Variants in FREM2 observed in about 807,000 individuals in gnomAD.
The protein encoded by FREM2 is FRAS1 related extracellular matrix 2.
In FREM2, 119 loss-of-function variants were observed where a neutral mutation model predicts 219.9. The observed-to-expected ratio is 0.54, with a 90% CI of 0.47 to 0.63. The LOEUF is 0.63. Among genes scored for constraint, FREM2 ranks in the 30% least tolerant of loss-of-function variants. FREM2 has a pLI of 0.00. For synonymous variants in FREM2, 1,562 were observed against 1,522.8 expected, an observed-to-expected ratio of 1.03 and a Z score of -0.60; for missense variants, 4,030 against 3,993.6, an observed-to-expected ratio of 1.01 and a Z score of -0.25.
intron 6 of FREM2, among the ~76,000 whole-genome samples, chr13:38,805,380 C>T (rs1875185033): frequency 6.6e-6 from 1 of 151,464 alleles, no homozygotes; most frequent in South Asian, 2.1e-4. Flanking sequence ...CGTGGAAGCT[C>T]CAAAAAACTG....
chr13:38,705,668 A>G (rs575133493), intron 2 of FREM2, among the ~76,000 whole-genome samples: 1 of 152,326 alleles, frequency 6.6e-6, no homozygotes, highest in African/African-American at 2.4e-5. Context: ...AAGATTAAGT[A>G]GATAATTCAT....
At chr13:38,806,481 T>C (rs1471505871) in intron 6 of FREM2, among the ~76,000 whole-genome samples, 1 of 151,982 alleles carries the variant, frequency 6.6e-6, no homozygotes, top group Non-Finnish European at 1.5e-5. Context: ...ACACAAACTT[T>C]TCATTTTCCC....
chr13:38,872,897 T>G lies in FREM2; in HGVS notation c.8139T>G (p.Asn2713Lys). The G allele has an allele frequency of 6.2e-7, 1 of 1,614,020 alleles. No individual in the cohort carries two copies. The highest frequency in any genetic ancestry group is 8.5e-7 in the Non-Finnish European group (1 of 1,179,930). The change falls in exon 17 of 24, where the codon AAT (asparagine) becomes AAG (lysine). Residue 2713 changes from asparagine (N) to lysine (K), a missense_variant. Physicochemically the swap from Asn to Lys is moderately conservative, Grantham distance 94 (BLOSUM62 0). Around this residue, in one of 2 missense-constraint regions of FREM2, gnomAD observed 928 missense variants for 1,042.9 expected, o/e 0.89. Coordinates refer to ENST00000280481, the MANE Select transcript of FREM2 (RefSeq NM_207361.6). ...TFVYDTAILW[N>K]DGIGSPPEAE... ...TGTACGACACCGCCATCTTGTGGAA[T>G]GATGGAATTGGCAGCCCCCCAGAGG...
At chr13:38,841,765 TATTTATTC>T (rs1225829925) in intron 6 of FREM2, among the ~76,000 whole-genome samples, 2 of 152,194 alleles carry the variant, frequency 1.3e-5, no homozygotes, top group Non-Finnish European at 2.9e-5. Flanking sequence ...GAGACAGAAA[TATTTATTC>T]ATTTGCTGCA....
chr13:38,693,486 T>G (rs1279181347), intron 1 of FREM2, among the ~76,000 whole-genome samples: 1 of 152,172 alleles, frequency 6.6e-6, no homozygotes, highest in African/African-American at 2.4e-5. Context: ...AGTTATTTAG[T>G]GAGGGAAGGG....
chr13:38,711,704 C>G (rs968106285), intron 2 of FREM2, among the ~76,000 whole-genome samples: 2 of 152,178 alleles, frequency 1.3e-5, no homozygotes, highest in Middle Eastern at 6.8e-3. Context: ...AATAGTCTTA[C>G]TACTTCCCAA....
chr13:38,758,940 G>T (rs1873124547), intron 2 of FREM2, among the ~76,000 whole-genome samples: 1 of 152,150 alleles, frequency 6.6e-6, no homozygotes, highest in Non-Finnish European at 1.5e-5. Context: ...GCCTGAGGTG[G>T]GAGGATCACT....
At chr13:38,874,423 T>C in intron 17 of FREM2, 59 bp from the exon 18 acceptor site, 1 of 1,330,242 alleles carries the variant, frequency 7.5e-7, no homozygotes, top group South Asian at 1.2e-5. Flanking sequence ...GGAAGGAATC[T>C]GTACATAAGG....
chr13:38,691,713 G>T lies in FREM2; in HGVS notation c.4369G>T (p.Val1457Phe). ...CTTGAACAGTCCTGATGAAAACTTG[G>T]TTTTTACCATCACCAGGGCTCCCAT... ...SDLNSPDENL[V>F]FTITRAPMRG... is the part of the protein sequence containing the mutation. Residue 1457 changes from valine to phenylalanine, a missense_variant, in exon 1 of 24, where the codon GTT becomes TTT. Val to Phe is a conservative substitution (Grantham distance 50). Transcript: ENST00000280481. The T allele has an allele frequency of 1.9e-6, 3 of 1,613,606 alleles. No homozygotes were observed. The highest frequency in any genetic ancestry group is 1.7e-4 in the Middle Eastern group (1 of 6,058).
chr13:38,863,782 C>A (rs1021495082), intron 15 of FREM2, among the ~76,000 whole-genome samples: 2 of 152,076 alleles, frequency 1.3e-5, no homozygotes, highest in Admixed American at 1.3e-4. Context: ...TTGAAATTTT[C>A]CTGGGGAACC....
chr13:38,717,706 C>T (rs1402082629), intron 2 of FREM2, among the ~76,000 whole-genome samples: 3 of 152,106 alleles, frequency 2.0e-5, no homozygotes, highest in African/African-American at 7.2e-5. Context: ...CATGAGCCAC[C>T]ATTCCTGATT....
intron 2 of FREM2, among the ~76,000 whole-genome samples, chr13:38,708,552 G>A (rs1180930613): frequency 6.6e-6 from 1 of 152,026 alleles, no homozygotes; most frequent in Non-Finnish European, 1.5e-5. Flanking sequence ...TACTCGGGAG[G>A]CTGAGGCAGG....
At chr13:38,843,382 C>T (rs955245858) in intron 6 of FREM2, among the ~76,000 whole-genome samples, 2 of 151,808 alleles carry the variant, frequency 1.3e-5, no homozygotes, top group Admixed American at 6.6e-5. Context: ...ATTTCCATAA[C>T]TGATCTACAA....
In FREM2 at chr13:38,744,771, C is replaced by T. The variant is rs188215383; in HGVS notation, c.5264-19533C>T. On this transcript the variant is annotated intron_variant, in intron 2 of 23. Coordinates refer to ENST00000280481, the MANE Select transcript of FREM2 (RefSeq NM_207361.6). ...CCTCCCAAAGTGCTGGGATTACAGG[C>T]GTAAGCCACTACGCCCAGCCAGCTC... is the stretch of plus-strand genomic sequence containing the variant. 2.5e-3 allele frequency among the ~76,000 whole-genome samples: 375 copies of T among 152,272 alleles called. 2 individuals are homozygous for T. Among genetic ancestry groups the T allele is most frequent in the Non-Finnish European group, 2.3e-3 (155 of 68,014 alleles).
chr13:38,838,121 T>G (rs1876793967), intron 6 of FREM2, among the ~76,000 whole-genome samples: 1 of 152,184 alleles, frequency 6.6e-6, no homozygotes. Flanking sequence ...CCATATTGAG[T>G]GCTTCCTTCA....
intron 16 of FREM2, among the ~76,000 whole-genome samples, chr13:38,871,039 A>G (rs1004163573): frequency 6.6e-6 from 1 of 152,178 alleles, no homozygotes; most frequent in African/African-American, 2.4e-5. Context: ...GCACTTCAAA[A>G]TCAATTGCTC....
chr13:38,831,426 A>G (rs1876504222), intron 6 of FREM2, among the ~76,000 whole-genome samples: 1 of 152,138 alleles, frequency 6.6e-6, no homozygotes, highest in South Asian at 2.1e-4. Flanking sequence ...AGAAAGACTC[A>G]CTATGTATTT....
chr13:38,694,710 T>C (rs2138075720), intron 1 of FREM2, among the ~76,000 whole-genome samples: 1 of 152,334 alleles, frequency 6.6e-6, no homozygotes, highest in Non-Finnish European at 1.5e-5. Context: ...TTAATTCCTT[T>C]CTAAAACTTA....
chr13:38,761,777 G>C (rs546756732), intron 2 of FREM2, among the ~76,000 whole-genome samples: 1 of 152,224 alleles, frequency 6.6e-6, no homozygotes, highest in Admixed American at 6.5e-5. Context: ...GGAAGAATAG[G>C]GGTCCTCATT....
Sources: allele counts gnomAD v4.1 joint callset (sites outside exome capture counted in the v4.1 genomes callset), GRCh38; gene constraint gnomAD v4.1.1; regional missense constraint gnomAD v4.1.1; transcripts MANE v1.5; gene names NCBI Gene and HGNC (gene_info 2026-07-23, HGNC 2026-07-21).